ENTHD1: variants seen among roughly 807,000 people sequenced by gnomAD.
ENTHD1 encodes the protein ENTH domain-containing protein 1.
In ENTHD1, 23 loss-of-function variants were observed where a neutral mutation model predicts 39.1. That is an observed-to-expected ratio of 0.59 (90% CI 0.42 to 0.83). The LOEUF (loss-of-function observed/expected upper bound fraction) is 0.83. Ranked by LOEUF, ENTHD1 falls within the 40% of genes least tolerant of loss-of-function variation. ENTHD1 has a pLI of 0.00. For missense variants in ENTHD1, 624 were observed against 705.4 expected (o/e 0.88, Z 1.31); for synonymous variants, 230 against 258.2 (o/e 0.89, Z 1.05).
chr22:39,820,456 A>G (rs911457634), intron 5 of ENTHD1, among the ~76,000 whole-genome samples: 1 of 152,224 alleles, frequency 6.6e-6, no homozygotes, highest in African/African-American at 2.4e-5. Context: ...CATGGAGAAT[A>G]GAGACAGGAT....
At chr22:39,889,021 AAGG>A (rs1211893848) in intron 1 of ENTHD1, among the ~76,000 whole-genome samples, 2 of 152,198 alleles carry the variant, frequency 1.3e-5, no homozygotes, top group African/African-American at 4.8e-5. Flanking sequence ...ACCTAAAAGA[AAGG>A]AGGATCAACT....
chr22:39,846,601 A>G (rs1165367402), intron 3 of ENTHD1, among the ~76,000 whole-genome samples: 1 of 152,144 alleles, frequency 6.6e-6, no homozygotes, highest in Non-Finnish European at 1.5e-5. Context: ...GTTTTCTTCT[A>G]GGTTTTTTAT....
chr22:39,794,554 GC>G (rs1036360244), intron 5 of ENTHD1, among the ~76,000 whole-genome samples: 13 of 151,936 alleles, frequency 8.6e-5, no homozygotes, highest in Non-Finnish European at 1.6e-4. Flanking sequence ...TGTAATCCCC[GC>G]ACTTTGGGAG....
chr22:39,756,252 AT>A (rs2146541562), intron 6 of ENTHD1, among the ~76,000 whole-genome samples: 1 of 151,546 alleles, frequency 6.6e-6, no homozygotes, highest in Non-Finnish European at 1.5e-5. Context: ...CCTATTAAGA[AT>A]TTGTTAAATG....
chr22:39,820,434 A>C (rs1459756464), intron 5 of ENTHD1, among the ~76,000 whole-genome samples: 1 of 152,212 alleles, frequency 6.6e-6, no homozygotes, highest in Non-Finnish European at 1.5e-5. Context: ...AATGCATTGA[A>C]AATTGAGAGT....
At position 39,743,570 on chromosome 22, in the gene ENTHD1, A is replaced by T; in HGVS notation, c.*109T>A. 7.6e-7 allele frequency: 1 copy of T among 1,311,744 alleles called. No homozygotes were observed. The highest frequency in any genetic ancestry group is 1.0e-6 in the Non-Finnish European group (1 of 993,776). The allele number at this position is 1,311,744 out of a possible 1,614,324, so 81.3% of individuals were successfully genotyped here. A position where few individuals can be genotyped will look rare whatever the true frequency, so the allele number is the denominator to read the frequency against. On this transcript the variant is annotated 3_prime_UTR_variant, in exon 7 of 7. Coordinates refer to ENST00000325157, the MANE Select transcript of ENTHD1 (RefSeq NM_152512.4). ...TTGCTAATAAACCTGACAAGGAAAAATTAAACCATCCCCTTTTTTGCCATA... is the reference window on the plus strand; with the variant it reads ...TTGCTAATAAACCTGACAAGGAAAATTTAAACCATCCCCTTTTTTGCCATA...
At chr22:39,885,539 T>TA (rs1348679689) in intron 2 of ENTHD1, among the ~76,000 whole-genome samples, 4 of 152,168 alleles carry the variant, frequency 2.6e-5, no homozygotes, top group African/African-American at 9.7e-5. Context: ...ACTTGATACT[T>TA]ACACTCCCAT....
Position 39,772,429 on chromosome 22 carries a change from T to C in ENTHD1, c.833-6820A>G, listed in dbSNP as rs1446042016. 2.0e-5 allele frequency among the ~76,000 whole-genome samples: 3 copies of C among 152,132 alleles called. No individual in the cohort carries two copies. In the East Asian group the frequency reaches 5.8e-4, roughly 29 times the overall value. On this transcript the variant is annotated intron_variant, in intron 5 of 6. Coordinates refer to ENST00000325157, the MANE Select transcript of ENTHD1 (RefSeq NM_152512.4). ...AATGATGAGATGGTAAATAGGCCTA[T>C]ATGGTTGCAATGGTGACACAATATT...
At chr22:39,773,500 T>C (rs2065343763) in intron 5 of ENTHD1, among the ~76,000 whole-genome samples, 1 of 152,188 alleles carries the variant, frequency 6.6e-6, no homozygotes, top group Non-Finnish European at 1.5e-5. Flanking sequence ...CCTAAATATT[T>C]GGAAATTTAG....
chr22:39,844,301 A>G (rs765626694), intron 3 of ENTHD1, among the ~76,000 whole-genome samples: 22 of 152,198 alleles, frequency 1.4e-4, no homozygotes, highest in Admixed American at 5.9e-4. Context: ...ACTGCTGGAG[A>G]TCTTAAAAAT....
intron 5 of ENTHD1, among the ~76,000 whole-genome samples, chr22:39,814,295 CAAAA>C (rs77915572): frequency 1.0e-5 from 1 of 97,736 alleles, no homozygotes. Flanking sequence ...CCCATCTCTA[CAAAA>C]AAAAAAAAAA....
chr22:39,875,383 G>A, intron 2 of ENTHD1: 17 of 1,434,916 alleles, frequency 1.2e-5, no homozygotes, highest in South Asian at 1.5e-5. Flanking sequence ...CCTTGGTGCA[G>A]GCCACGGTGC....
chr22:39,868,210 C>T (rs888547744), intron 2 of ENTHD1, among the ~76,000 whole-genome samples: 1 of 152,058 alleles, frequency 6.6e-6, no homozygotes, highest in Admixed American at 6.5e-5. Context: ...CTAAATGAAG[C>T]CACCTGCTTG....
At chr22:39,850,258 G>T (rs1286585445) in intron 3 of ENTHD1, among the ~76,000 whole-genome samples, 1 of 151,990 alleles carries the variant, frequency 6.6e-6, no homozygotes, top group African/African-American at 2.4e-5. Context: ...TTATTTTACT[G>T]GGTATATTCA....
chr22:39,877,971 C>A (rs773950015), intron 2 of ENTHD1, among the ~76,000 whole-genome samples: 18 of 151,996 alleles, frequency 1.2e-4, no homozygotes, highest in Non-Finnish European at 2.2e-4. Flanking sequence ...TAACAAAACC[C>A]GGTGCAGATA....
At chr22:39,806,347 A>G (rs2065640480) in intron 5 of ENTHD1, among the ~76,000 whole-genome samples, 1 of 152,228 alleles carries the variant, frequency 6.6e-6, no homozygotes, top group Non-Finnish European at 1.5e-5. Flanking sequence ...GGAAAGTTCT[A>G]CAAAATTTCA....
At chr22:39,826,551 C>T (rs923613170) in intron 4 of ENTHD1, among the ~76,000 whole-genome samples, 4 of 152,038 alleles carry the variant, frequency 2.6e-5, no homozygotes, top group African/African-American at 4.8e-5. Context: ...CTACTGTAAG[C>T]GTTTAAAAAA....
intron 6 of ENTHD1, among the ~76,000 whole-genome samples, chr22:39,762,592 C>T (rs1012309362): frequency 6.6e-6 from 1 of 151,970 alleles, no homozygotes; most frequent in African/African-American, 2.4e-5. Context: ...GCTAGGACTA[C>T]AGGCACATGC....
At chr22:39,893,582 C>T (rs2066447034) in intron 1 of ENTHD1, 113 bp downstream of exon 1, 1 of 152,340 alleles carries the variant, frequency 6.6e-6, no homozygotes, top group Non-Finnish European at 1.5e-5. Context: ...TCGCCGCCCT[C>T]CCGCCCCCAC....
Sources: gnomAD v4.1 joint callset for allele counts (sites outside exome capture counted in the v4.1 genomes callset) on GRCh38, gnomAD v4.1.1 for gene constraint, MANE v1.5 for transcripts, NCBI Gene and HGNC (gene_info 2026-07-23, HGNC 2026-07-21) for gene names.